PDZRN4: variants seen among roughly 807,000 people sequenced by gnomAD.
PDZRN4 encodes PDZ domain containing ring finger 4.
In PDZRN4, 70 loss-of-function variants were observed where a neutral mutation model predicts 99.0. The observed-to-expected ratio is 0.71, with a 90% CI of 0.58 to 0.86. PDZRN4 has a LOEUF of 0.86. PDZRN4 is among the 40% of genes least tolerant of loss of function. The probability of loss-of-function intolerance (pLI) is 0.00; values close to 1 mark genes in which losing one functional copy is unlikely to be tolerated. For missense variants in PDZRN4, 1,474 were observed against 1,331.2 expected (o/e 1.11, Z -1.67); for synonymous variants, 551 against 501.6 (o/e 1.10, Z -1.32).
intron 3 of PDZRN4, among the ~76,000 whole-genome samples, chr12:41,449,945 A>G (rs1271148957): frequency 2.0e-5 from 3 of 151,992 alleles, no homozygotes; most frequent in Non-Finnish European, 2.9e-5. Flanking sequence ...TATAAAAAGG[A>G]TGTAAGTGAT....
intron 3 of PDZRN4, among the ~76,000 whole-genome samples, chr12:41,208,212 A>C (rs114176958): frequency 6.6e-6 from 1 of 151,924 alleles, no homozygotes; most frequent in Non-Finnish European, 1.5e-5. Flanking sequence ...CTGACGTGAC[A>C]AAATAGAAGT....
At chr12:41,314,958 T>C (rs1951629102) in intron 3 of PDZRN4, among the ~76,000 whole-genome samples, 1 of 152,132 alleles carries the variant, frequency 6.6e-6, no homozygotes, top group South Asian at 2.1e-4. Flanking sequence ...TCAAGAATGG[T>C]AACTCATGCA....
rs1158997586 is a variant in PDZRN4 at position 41,411,063 on chromosome 12, A to AT, written c.844-95392dup. 5.5e-4 allele frequency among the ~76,000 whole-genome samples: 57 copies of AT among 103,358 alleles called. 1 individual carries two copies. Among genetic ancestry groups the AT allele is most frequent in the African/African-American group, 1.7e-3 (43 of 25,392 alleles). The allele number at this position is 103,358 out of a possible 152,430, so 67.8% of individuals were successfully genotyped here. ...TGAGCTTTAAAATATATATATATAT[A>AT]TATATTTTTTTTTTATTTGTAAAGA... On this transcript the variant is annotated intron_variant, in intron 3 of 9. Transcript: ENST00000402685.
intron 3 of PDZRN4, among the ~76,000 whole-genome samples, chr12:41,449,978 T>G (rs993257606): frequency 2.0e-5 from 3 of 152,152 alleles, no homozygotes; most frequent in African/African-American, 7.2e-5. Flanking sequence ...TACTGGAAAT[T>G]GCCTAAATTT....
chr12:41,322,429 A>G (rs1226060027), intron 3 of PDZRN4, among the ~76,000 whole-genome samples: 1 of 151,448 alleles, frequency 6.6e-6, no homozygotes, highest in Admixed American at 6.6e-5. Context: ...CATTTTATAC[A>G]ATGAGTGTAT....
intron 3 of PDZRN4, among the ~76,000 whole-genome samples, chr12:41,253,748 A>T (rs1295605800): frequency 6.6e-6 from 1 of 152,226 alleles, no homozygotes; most frequent in Non-Finnish European, 1.5e-5. Flanking sequence ...TGTCCATCAA[A>T]AGATAAATGG....
chr12:41,508,060 T>C (rs1304362244), intron 4 of PDZRN4, among the ~76,000 whole-genome samples: 2 of 152,202 alleles, frequency 1.3e-5, no homozygotes. Context: ...TCAGTATTAT[T>C]CCAAACGTTT....
chr12:41,358,899 G>T (rs1951946585), intron 3 of PDZRN4, among the ~76,000 whole-genome samples: 1 of 151,406 alleles, frequency 6.6e-6, no homozygotes, highest in African/African-American at 2.4e-5. Flanking sequence ...TTTTCTACTG[G>T]GTTCCATTAC....
At chr12:41,351,972 A>G (rs1297037861) in intron 3 of PDZRN4, among the ~76,000 whole-genome samples, 2 of 42,284 alleles carry the variant, frequency 4.7e-5, no homozygotes, top group Non-Finnish European at 1.3e-4. Context: ...AAGAGAGACC[A>G]TTGTCTCAAA....
chr12:41,418,503 A>G (rs1952462702), intron 3 of PDZRN4, among the ~76,000 whole-genome samples: 1 of 152,158 alleles, frequency 6.6e-6, no homozygotes, highest in Non-Finnish European at 1.5e-5. Context: ...TAAAAAGAAA[A>G]TCTGAACTTA....
intron 3 of PDZRN4, among the ~76,000 whole-genome samples, chr12:41,382,795 G>T (rs1176320496): frequency 6.6e-6 from 1 of 152,110 alleles, no homozygotes; most frequent in Non-Finnish European, 1.5e-5. Flanking sequence ...TCCATTTATA[G>T]CTGTATAGCA....
intron 3 of PDZRN4, chr12:41,411,397 C>T: frequency 6.6e-6 from 1 of 152,184 alleles, no homozygotes; most frequent in Non-Finnish European, 1.5e-5. Context: ...CTTAGAGACA[C>T]ACCACCTCCC....
Position 41,188,888 on chromosome 12 carries a change from G to T in PDZRN4, c.433G>T (p.Ala145Ser), listed in dbSNP as rs1950714011. 3 of 1,097,242 alleles carry T rather than the reference G, an allele frequency of 2.7e-6. No individual in the cohort carries two copies. Among genetic ancestry groups the T allele is most frequent in the Non-Finnish European group, 3.3e-6 (3 of 903,420 alleles). The allele number at this position is 1,097,242 out of a possible 1,614,324, so 68.0% of individuals were successfully genotyped here. Residue 145 changes from alanine (A) to serine (S), a missense_variant, in exon 1 of 10, where the codon GCG (alanine) becomes TCG (serine). Coordinates refer to ENST00000402685, the MANE Select transcript of PDZRN4 (RefSeq NM_001164595.2). ...ACCCAGGGCTGGCCGGGGCGGGGGC[G>T]CGCGCGGGGGGCCGCCGGGCGGCCG... is the stretch of plus-strand genomic sequence containing the variant. Reference protein sequence around the residue: ...PTPRAGRGGGARGGPPGGRWG... With the variant: ...PTPRAGRGGGSRGGPPGGRWG...
chr12:41,286,653 A>T (rs1335180168), intron 3 of PDZRN4, among the ~76,000 whole-genome samples: 2 of 152,128 alleles, frequency 1.3e-5, no homozygotes, highest in Non-Finnish European at 2.9e-5. Flanking sequence ...GTGTAAATGG[A>T]TGTGTCAACA....
At chr12:41,251,853 C>T (rs1219830509) in intron 3 of PDZRN4, among the ~76,000 whole-genome samples, 1 of 152,138 alleles carries the variant, frequency 6.6e-6, no homozygotes, top group Non-Finnish European at 1.5e-5. Flanking sequence ...TGGTGGCTCA[C>T]GCCTGTAATC....
intron 5 of PDZRN4, 33 bp from the exon 6 acceptor site, chr12:41,552,623 C>A: frequency 6.5e-7 from 1 of 1,527,502 alleles, no homozygotes; most frequent in Non-Finnish European, 9.1e-7. Context: ...TTCTCTCTGA[C>A]ATAAATGTCA....
At chr12:41,302,253 T>A (rs78248999) in intron 3 of PDZRN4, among the ~76,000 whole-genome samples, 4,605 of 152,170 alleles carry the variant, frequency 0.03, 124 homozygotes, top group East Asian at 0.16. Flanking sequence ...TAAAAATTTG[T>A]GTACTTTTGT....
At chr12:41,402,521 T>C (rs55953145) in intron 3 of PDZRN4, among the ~76,000 whole-genome samples, 15 of 18 alleles carry the variant, frequency 0.83, 7 homozygotes, top group African/African-American at 1. Flanking sequence ...TGTGTGTATA[T>C]ATATATATAT....
At chr12:41,426,263 G>A (rs1261709302) in intron 3 of PDZRN4, among the ~76,000 whole-genome samples, 5 of 151,900 alleles carry the variant, frequency 3.3e-5, no homozygotes, top group East Asian at 3.9e-4. Flanking sequence ...AGATAGGTTC[G>A]GTGGGGGCTT....
Sources: allele counts gnomAD v4.1 joint callset (sites outside exome capture counted in the v4.1 genomes callset), GRCh38; gene constraint gnomAD v4.1.1; transcripts MANE v1.5; gene names NCBI Gene and HGNC (gene_info 2026-07-23, HGNC 2026-07-21).